WDR62: variants seen among roughly 807,000 people sequenced by gnomAD.
WDR62 encodes the protein WD repeat domain 62, also known as WD repeat-containing protein 62.
Under a neutral mutation model 160.6 loss-of-function variants are expected in WDR62, and 112 were observed. The observed-to-expected ratio is 0.70, with a 90% CI of 0.60 to 0.82. WDR62 has a LOEUF of 0.82. Ranked by LOEUF, WDR62 falls within the 40% of genes least tolerant of loss-of-function variation. The pLI is 0.00. For synonymous variants in WDR62, 792 were observed against 815.1 expected, an observed-to-expected ratio of 0.97 and a Z score of 0.48; for missense variants, 1,819 against 1,983.8, an observed-to-expected ratio of 0.92 and a Z score of 1.58.
At chr19:36,091,833 G>C (rs1351508988) in intron 18 of WDR62, among the ~76,000 whole-genome samples, 1 of 151,916 alleles carries the variant, frequency 6.6e-6, no homozygotes, top group Non-Finnish European at 1.5e-5. Context: ...AGGGAGCACA[G>C]ATCATGCCAG....
At chr19:36,092,088 A>G (rs551328989) in intron 18 of WDR62, among the ~76,000 whole-genome samples, 1 of 151,934 alleles carries the variant, frequency 6.6e-6, no homozygotes, top group African/African-American at 2.4e-5. Context: ...AGGTGGATGG[A>G]TCATCTGAGG....
chr19:36,085,930 G>A (rs1230804100), intron 12 of WDR62, among the ~76,000 whole-genome samples: 1 of 151,978 alleles, frequency 6.6e-6, no homozygotes, highest in Non-Finnish European at 1.5e-5. Flanking sequence ...TGATCCACCC[G>A]CCTTGGCCTC....
intron 7 of WDR62, among the ~76,000 whole-genome samples, chr19:36,070,033 G>A (rs553543726): frequency 5.6e-4 from 75 of 135,064 alleles, no homozygotes; most frequent in African/African-American, 2.0e-3. Flanking sequence ...GAGGGAGACC[G>A]TGGGGAGAAG....
chr19:36,073,830 A>G, intron 9 of WDR62: 1 of 449,656 alleles, frequency 2.2e-6, no homozygotes, highest in South Asian at 1.7e-5. Context: ...TAGAGAGGAG[A>G]GGGGTCAGGG....
chr19:36,059,629 C>T (rs546439048), intron 2 of WDR62, among the ~76,000 whole-genome samples: 2 of 152,192 alleles, frequency 1.3e-5, no homozygotes, highest in East Asian at 3.9e-4. Flanking sequence ...GAGATGAGAT[C>T]TCACTCTGTC....
intron 30 of WDR62, among the ~76,000 whole-genome samples, 169 bp downstream of exon 30, chr19:36,104,150 C>T (rs1973587370): frequency 6.6e-6 from 1 of 152,154 alleles, no homozygotes; most frequent in Non-Finnish European, 1.5e-5. Flanking sequence ...TGTGCTAAAC[C>T]CTGGGACATG....
chr19:36,065,997 G>A lies in WDR62; in HGVS notation c.372G>A (p.Lys124=). ...CTCTGGCCTTCTCCCCTGATGGGAA[G>A]TACATAGTGACAGGGGAGGTGAGTC... The part of the protein sequence containing the change: ...LSALAFSPDG[K]YIVTGENGHR... The change falls in exon 4 of 32, where the codon AAG becomes AAA. Residue 124 remains lysine, a synonymous_variant. Coordinates refer to ENST00000401500, the MANE Select transcript of WDR62 (RefSeq NM_001083961.2). 6.2e-7 allele frequency: 1 copy of A among 1,614,186 alleles called. No individual in the cohort carries two copies. Among genetic ancestry groups the A allele is most frequent in the Non-Finnish European group, 8.5e-7 (1 of 1,180,032 alleles).
intron 12 of WDR62, among the ~76,000 whole-genome samples, chr19:36,086,153 C>G (rs1329687887): frequency 6.6e-6 from 1 of 152,104 alleles, no homozygotes; most frequent in Admixed American, 6.5e-5. Context: ...AACATATCTT[C>G]ACTCGGTTCG....
chr19:36,104,107 T>G, intron 30 of WDR62, 126 bp downstream of exon 30: 1 of 1,240,352 alleles, frequency 8.1e-7, no homozygotes, highest in East Asian at 2.5e-5. Context: ...GTGCATTAAC[T>G]TAAATATTTA....
At chr19:36,067,799 G>A (rs763302940) in intron 6 of WDR62, 29 bp from the exon 7 acceptor site, 61 of 1,612,318 alleles carry the variant, frequency 3.8e-5, no homozygotes, top group Non-Finnish European at 4.9e-5. Context: ...GTGTGGACAA[G>A]TATCTCACTA....
At chr19:36,060,531 A>G in intron 3 of WDR62, 1 of 180,822 alleles carries the variant, frequency 5.5e-6, no homozygotes, top group South Asian at 1.2e-4. Flanking sequence ...GTGCCTGGAG[A>G]AAGGAGCAGG....
intron 6 of WDR62, 80 bp from the exon 7 acceptor site, chr19:36,067,748 G>C (rs758360123): frequency 5.3e-6 from 8 of 1,506,268 alleles, no homozygotes; most frequent in Non-Finnish European, 6.4e-6. Context: ...GAGTTCTCCT[G>C]TTTTGTTGTG....
chr19:36,104,395 G>A, intron 30 of WDR62, 123 bp from the exon 31 acceptor site: 3 of 1,262,240 alleles, frequency 2.4e-6, no homozygotes, highest in Non-Finnish European at 3.3e-6. Flanking sequence ...GAAGGGGAGG[G>A]AGCCTTGGGG....
chr19:36,067,857 C>CT lies in WDR62; in HGVS notation c.730dup (p.Ser244PhefsTer40). The CT allele has an allele frequency of 6.2e-7, 1 of 1,614,198 alleles. No homozygotes were observed. Among genetic ancestry groups the CT allele is most frequent in the Non-Finnish European group, 8.5e-7 (1 of 1,180,044 alleles). On this transcript the variant is annotated frameshift_variant, in exon 7 of 32. Coordinates refer to ENST00000401500, the MANE Select transcript of WDR62 (RefSeq NM_001083961.2). LOFTEE classifies it high-confidence loss of function. Reference sequence around the variant, plus strand: ...CGAGCACAGTGCCCCTTGTAGGGCGCTCGGGCATCCTGGGCGAGCTGCACA... The same window carrying CT: ...CGAGCACAGTGCCCCTTGTAGGGCGCTTCGGGCATCCTGGGCGAGCTGCACA...
intron 12 of WDR62, among the ~76,000 whole-genome samples, chr19:36,085,468 C>T (rs1449753046): frequency 7.4e-6 from 1 of 135,136 alleles, no homozygotes. Flanking sequence ...TCGCCCTGGC[C>T]GGAGGGCAAT....
intron 30 of WDR62, 22 bp downstream of exon 30, chr19:36,104,003 G>C: frequency 6.3e-7 from 1 of 1,597,088 alleles, no homozygotes; most frequent in Non-Finnish European, 8.5e-7. Flanking sequence ...CCTGGAGCAA[G>C]GACTGTCCCC....
intron 5 of WDR62, 151 bp from the exon 6 acceptor site, chr19:36,067,155 C>A: frequency 1.0e-6 from 1 of 962,120 alleles, no homozygotes; most frequent in South Asian, 1.4e-5. Context: ...GGGTGCCCCA[C>A]ATAGGTTTCC....
At chr19:36,093,747 A>G (rs1470775710) in intron 19 of WDR62, among the ~76,000 whole-genome samples, 1 of 152,250 alleles carries the variant, frequency 6.6e-6, no homozygotes, top group African/African-American at 2.4e-5. Context: ...CAGGAAGCCC[A>G]GCACAGGACT....
At chr19:36,076,940 G>A (rs544132105) in intron 9 of WDR62, among the ~76,000 whole-genome samples, 41 of 151,980 alleles carry the variant, frequency 2.7e-4, no homozygotes, top group African/African-American at 4.1e-4. Context: ...TTGGAATGGG[G>A]AATTATATAT....
Sources: allele counts gnomAD v4.1 joint callset (sites outside exome capture counted in the v4.1 genomes callset), GRCh38; gene constraint gnomAD v4.1.1; transcripts MANE v1.5; gene names NCBI Gene and HGNC (gene_info 2026-07-23, HGNC 2026-07-21).